Variants in B3GALT1 observed in about 807,000 individuals in gnomAD.
B3GALT1 encodes beta-1,3-galactosyltransferase 1.
In B3GALT1, 10 loss-of-function variants were observed where a neutral mutation model predicts 23.2. The observed-to-expected ratio is 0.43, with a 90% CI of 0.27 to 0.73. B3GALT1 has a LOEUF of 0.73. Among genes scored for constraint, B3GALT1 ranks in the 30% least tolerant of loss-of-function variants. The pLI, the probability that B3GALT1 is intolerant of heterozygous loss-of-function variation, is 0.21. For synonymous variants in B3GALT1, 156 were observed against 141.5 expected (o/e 1.10, Z -0.73); for missense variants, 299 against 405.4 (o/e 0.74, Z 2.25).
intron 2 of B3GALT1, among the ~76,000 whole-genome samples, chr2:167,495,199 C>CA (rs2105344820): frequency 6.6e-6 from 1 of 152,004 alleles, no homozygotes; most frequent in East Asian, 1.9e-4. Context: ...ATGCAGAAAC[C>CA]AAAAGCTTCA....
chr2:167,431,696 G>A (rs1698707357), intron 1 of B3GALT1, among the ~76,000 whole-genome samples: 1 of 152,162 alleles, frequency 6.6e-6, no homozygotes, highest in South Asian at 2.1e-4. Context: ...GCCCAAATCA[G>A]TTCAAGTCAT....
At chr2:167,456,496 G>A (rs1404987462) in intron 1 of B3GALT1, among the ~76,000 whole-genome samples, 1 of 152,020 alleles carries the variant, frequency 6.6e-6, no homozygotes, top group Non-Finnish European at 1.5e-5. Flanking sequence ...TTTCAAATCT[G>A]TATATCATAT....
At chr2:167,691,371 C>T (rs1257276853) in intron 3 of B3GALT1, among the ~76,000 whole-genome samples, 1 of 152,112 alleles carries the variant, frequency 6.6e-6, no homozygotes, top group Non-Finnish European at 1.5e-5. Context: ...CTGTTTTGCT[C>T]ACAACTAACA....
At chr2:167,824,641 G>A (rs1237371675) in intron 4 of B3GALT1, among the ~76,000 whole-genome samples, 1 of 152,140 alleles carries the variant, frequency 6.6e-6, no homozygotes, top group Non-Finnish European at 1.5e-5. Flanking sequence ...TTCCCCTCAA[G>A]CCTCCAGAGC....
intron 2 of B3GALT1, among the ~76,000 whole-genome samples, chr2:167,510,019 T>C (rs1699981582): frequency 6.6e-6 from 1 of 152,124 alleles, no homozygotes; most frequent in African/African-American, 2.4e-5. Context: ...TGATTTGAAA[T>C]CCAGTAGTGC....
At chr2:167,494,176 G>A (rs544480884) in intron 2 of B3GALT1, among the ~76,000 whole-genome samples, 1 of 151,992 alleles carries the variant, frequency 6.6e-6, no homozygotes, top group East Asian at 1.9e-4. Flanking sequence ...GCAAAAAATT[G>A]TGTCTAAGAT....
intron 1 of B3GALT1, among the ~76,000 whole-genome samples, chr2:167,482,258 A>G (rs923532217): frequency 3.3e-5 from 5 of 152,202 alleles, no homozygotes; most frequent in African/African-American, 1.2e-4. Context: ...GAGATGAATC[A>G]TATTTTTTGG....
chr2:167,303,511 A>G (rs1450715203), intron 1 of B3GALT1, among the ~76,000 whole-genome samples: 1 of 152,072 alleles, frequency 6.6e-6, no homozygotes, highest in Non-Finnish European at 1.5e-5. Flanking sequence ...TCATTAGACC[A>G]ATTAAAGAAG....
At chr2:167,330,562 A>G (rs1403254498) in intron 1 of B3GALT1, among the ~76,000 whole-genome samples, 2 of 152,190 alleles carry the variant, frequency 1.3e-5, no homozygotes, top group East Asian at 3.9e-4. Context: ...GTGAGCCATG[A>G]TCACACCACT....
chr2:167,737,004 A>G (rs1381272611), intron 3 of B3GALT1, among the ~76,000 whole-genome samples: 4 of 152,058 alleles, frequency 2.6e-5, no homozygotes, highest in Admixed American at 2.0e-4. Flanking sequence ...CATTAAAGCA[A>G]TTAATGATGT....
chr2:167,783,255 T>C (rs983093789), intron 3 of B3GALT1, among the ~76,000 whole-genome samples: 1 of 151,480 alleles, frequency 6.6e-6, no homozygotes, highest in Non-Finnish European at 1.5e-5. Context: ...TCAAAAAGAG[T>C]ACACGGAGGG....
At chr2:167,398,336 C>A (rs1370141198) in intron 1 of B3GALT1, among the ~76,000 whole-genome samples, 1 of 151,944 alleles carries the variant, frequency 6.6e-6, no homozygotes, top group African/African-American at 2.4e-5. Context: ...TTTGTTTTTG[C>A]CCCTTTCTAG....
At chr2:167,447,524 C>T (rs1364071329) in intron 1 of B3GALT1, among the ~76,000 whole-genome samples, 1 of 152,188 alleles carries the variant, frequency 6.6e-6, no homozygotes, top group East Asian at 1.9e-4. Context: ...TTCGAGCTTC[C>T]TGGCTGCTTT....
chr2:167,399,684 A>G (rs1698156333), intron 1 of B3GALT1, among the ~76,000 whole-genome samples: 1 of 151,976 alleles, frequency 6.6e-6, no homozygotes, highest in Admixed American at 6.6e-5. Context: ...GCTCCCAATG[A>G]GATCTCTCCT....
chr2:167,804,049 A>G (rs1688695141), intron 3 of B3GALT1, among the ~76,000 whole-genome samples: 1 of 152,120 alleles, frequency 6.6e-6, no homozygotes, highest in South Asian at 2.1e-4. Flanking sequence ...AGGCTGGAGT[A>G]CAGAGGCGTG....
intron 3 of B3GALT1, among the ~76,000 whole-genome samples, chr2:167,687,289 T>C (rs1275552879): frequency 6.6e-6 from 1 of 152,192 alleles, no homozygotes; most frequent in Non-Finnish European, 1.5e-5. Flanking sequence ...ACTAACATTT[T>C]AAACAAAAAT....
chr2:167,390,634 G>T (rs994270539), intron 1 of B3GALT1, among the ~76,000 whole-genome samples: 1 of 152,046 alleles, frequency 6.6e-6, no homozygotes, highest in African/African-American at 2.4e-5. Flanking sequence ...TGGACAAAAC[G>T]CAGGAATCTC....
At chr2:167,481,133 C>A (rs1242516910) in intron 1 of B3GALT1, among the ~76,000 whole-genome samples, 1 of 152,156 alleles carries the variant, frequency 6.6e-6, no homozygotes, top group Admixed American at 6.5e-5. Flanking sequence ...AAATTAGTTG[C>A]TCAAAGGCCA....
chr2:167,834,978 T>C (rs1409446600), intron 4 of B3GALT1, among the ~76,000 whole-genome samples: 1 of 152,206 alleles, frequency 6.6e-6, no homozygotes, highest in African/African-American at 2.4e-5. Context: ...TTAATTTCAC[T>C]GAAAATGACA....
Sources: allele counts gnomAD v4.1 joint callset (sites outside exome capture counted in the v4.1 genomes callset), GRCh38; gene constraint gnomAD v4.1.1; transcripts MANE v1.5; gene names NCBI Gene and HGNC (gene_info 2026-07-23, HGNC 2026-07-21).